Variants in HECW1 observed in about 807,000 individuals in gnomAD.
HECW1 encodes the protein HECT, C2 and WW domain containing E3 ubiquitin protein ligase 1.
HECW1 carries 61 observed loss-of-function variants against 182.3 expected under a neutral mutation model. The ratio of observed to expected loss-of-function variants is 0.33; its 90% CI spans 0.27 to 0.41. HECW1 has a LOEUF of 0.41. Among genes scored for constraint, HECW1 ranks in the 10% least tolerant of loss-of-function variants. The pLI, the probability that HECW1 is intolerant of heterozygous loss-of-function variation, is 1.00. For missense variants in HECW1, 1,739 were observed against 2,108.9 expected (o/e 0.82, Z 3.44); for synonymous variants, 859 against 832.6 (o/e 1.03, Z -0.55).
intron 24 of HECW1, among the ~76,000 whole-genome samples, chr7:43,520,600 T>C (rs1221548829): frequency 6.7e-6 from 1 of 149,180 alleles, no homozygotes; most frequent in Non-Finnish European, 1.5e-5. Context: ...AAGACAAATA[T>C]GTTCATCTTC....
At chr7:43,498,975 AT>A (rs917489831) in intron 19 of HECW1, among the ~76,000 whole-genome samples, 22 of 150,950 alleles carry the variant, frequency 1.5e-4, no homozygotes, top group East Asian at 3.9e-4. Flanking sequence ...TGGAAAATAG[AT>A]TTTTTTTTTC....
intron 6 of HECW1, among the ~76,000 whole-genome samples, chr7:43,393,125 T>C (rs2152835708): frequency 6.6e-6 from 1 of 152,338 alleles, no homozygotes; most frequent in South Asian, 2.1e-4. Flanking sequence ...TATGCTCTGT[T>C]GTGGAAACAT....
chr7:43,499,296 A>T (rs117672588), intron 19 of HECW1, among the ~76,000 whole-genome samples: 1 of 152,058 alleles, frequency 6.6e-6, no homozygotes, highest in African/African-American at 2.4e-5. Context: ...AAAATAAAAA[A>T]TTTTTTAAAG....
At chr7:43,159,390 G>C (rs61489511) in intron 2 of HECW1, among the ~76,000 whole-genome samples, 100 of 143,264 alleles carry the variant, frequency 7.0e-4, no homozygotes, top group Middle Eastern at 3.6e-3. Context: ...GTGTCCAAGT[G>C]ATCTCATTGG....
intron 5 of HECW1, among the ~76,000 whole-genome samples, chr7:43,322,360 A>G (rs1810238333): frequency 2.0e-5 from 3 of 152,210 alleles, no homozygotes; most frequent in Admixed American, 2.0e-4. Flanking sequence ...GCACCTGGCC[A>G]GAATTTCTTT....
chr7:43,266,648 A>T (rs1801836673), intron 3 of HECW1, among the ~76,000 whole-genome samples: 1 of 152,128 alleles, frequency 6.6e-6, no homozygotes, highest in Non-Finnish European at 1.5e-5. Context: ...GAAATGTTTT[A>T]AGAACTTCTA....
intron 26 of HECW1, among the ~76,000 whole-genome samples, chr7:43,548,077 T>C (rs1420453318): frequency 9.2e-5 from 14 of 152,266 alleles, no homozygotes; most frequent in Admixed American, 9.2e-4. Context: ...TTGATGTTTG[T>C]ATTTGTCTCA....
chr7:43,502,538 T>C (rs2079407915), intron 21 of HECW1, among the ~76,000 whole-genome samples: 1 of 152,070 alleles, frequency 6.6e-6, no homozygotes, highest in African/African-American at 2.4e-5. Context: ...GGTGCACGCC[T>C]TTAGTATCAG....
Position 43,456,359 on chromosome 7 carries a change from A to G in HECW1, c.2563A>G (p.Thr855Ala). Residue 855 changes from threonine to alanine, a missense_variant, in exon 13 of 30, where the codon ACC (threonine) becomes GCC (alanine). This residue lies in a region of HECW1 where 971 missense variants were observed against 1,029.1 expected (regional missense o/e 0.94). Transcript: ENST00000395891. ...TTATGTGGACCACGTGAACCGCACA[A>G]CCACCTGGCAGCGTCCGACGGCAGC... ...VFYVDHVNRT[T>A]TWQRPTAAAT... The G allele has an allele frequency of 6.2e-7, 1 of 1,614,010 alleles. No individual in the cohort carries two copies. Among genetic ancestry groups the G allele is most frequent in the South Asian group, 1.1e-5 (1 of 91,034 alleles).
intron 5 of HECW1, 36 bp downstream of exon 5, chr7:43,320,778 A>G (rs1810008442): frequency 3.4e-6 from 5 of 1,450,952 alleles, no homozygotes; most frequent in East Asian, 4.5e-5. Context: ...CTTGGCAGAC[A>G]TGGATGAAGC....
intron 3 of HECW1, among the ~76,000 whole-genome samples, chr7:43,246,421 G>A (rs1176514801): frequency 6.6e-6 from 1 of 152,200 alleles, no homozygotes. Context: ...ATACAAGGAA[G>A]AATTTTATGC....
intron 28 of HECW1, among the ~76,000 whole-genome samples, chr7:43,553,476 G>A (rs1485886776): frequency 3.3e-5 from 5 of 151,944 alleles, no homozygotes; most frequent in Non-Finnish European, 2.9e-5. Flanking sequence ...TCATAAGTTC[G>A]AGACCAGCCT....
chr7:43,444,352 G>A lies in HECW1; in HGVS notation c.1180G>A (p.Glu394Lys). 1 of 1,614,166 alleles carries A rather than the reference G, an allele frequency of 6.2e-7. No homozygotes were observed. The highest frequency in any genetic ancestry group is 8.5e-7 in the Non-Finnish European group (1 of 1,180,028). Residue 394 changes from glutamate to lysine, a missense_variant, in exon 11 of 30, where the codon GAG becomes AAG. By Grantham distance (56) the Glu-to-Lys change is moderately conservative. This residue lies in a region of HECW1 where 971 missense variants were observed against 1,029.1 expected (regional missense o/e 0.94). Coordinates refer to ENST00000395891, the MANE Select transcript of HECW1 (RefSeq NM_015052.5). The surrounding 1 kb of genome is among the most constrained non-coding windows in gnomAD (Gnocchi z 4.3). ...APESSESWKP[E>K]QLGEGSVPDG... ...AGAGTCCTCTGAGAGCTGGAAGCCAGAGCAGCTGGGTGAGGGCAGTGTCCC... is the reference window on the plus strand; with the variant it reads ...AGAGTCCTCTGAGAGCTGGAAGCCAAAGCAGCTGGGTGAGGGCAGTGTCCC...
At chr7:43,278,111 C>A (rs1803404465) in intron 3 of HECW1, among the ~76,000 whole-genome samples, 1 of 152,118 alleles carries the variant, frequency 6.6e-6, no homozygotes, top group Non-Finnish European at 1.5e-5. Flanking sequence ...CCATTTCAGA[C>A]CCTGCCCCTG....
chr7:43,335,753 CTT>C (rs1246922088), intron 5 of HECW1, among the ~76,000 whole-genome samples: 1 of 136,418 alleles, frequency 7.3e-6, no homozygotes. Context: ...CCTTTCCTCT[CTT>C]TCTTTCTTTC....
intron 2 of HECW1, among the ~76,000 whole-genome samples, chr7:43,186,193 C>A (rs1343174219): frequency 6.6e-6 from 1 of 152,220 alleles, no homozygotes; most frequent in Non-Finnish European, 1.5e-5. Flanking sequence ...TCATTTCTAA[C>A]CCCTACATGA....
At chr7:43,301,339 G>A (rs1806753289) in intron 3 of HECW1, among the ~76,000 whole-genome samples, 1 of 152,102 alleles carries the variant, frequency 6.6e-6, no homozygotes, top group South Asian at 2.1e-4. Context: ...CAGCTTCCAT[G>A]TCCTCCCATC....
intron 19 of HECW1, among the ~76,000 whole-genome samples, chr7:43,494,667 C>G (rs1277530308): frequency 1.3e-5 from 2 of 152,070 alleles, no homozygotes; most frequent in Admixed American, 1.3e-4. Flanking sequence ...CCACACCCAG[C>G]AAAATTTTGC....
At chr7:43,429,289 C>CATATAT (rs57627873) in intron 8 of HECW1, among the ~76,000 whole-genome samples, 24 of 106,690 alleles carry the variant, frequency 2.2e-4, no homozygotes, top group South Asian at 6.7e-4. Flanking sequence ...ATATTATATG[C>CATATAT]ATATATATAT....
Sources: allele counts gnomAD v4.1 joint callset (sites outside exome capture counted in the v4.1 genomes callset), GRCh38; gene constraint gnomAD v4.1.1; regional missense constraint gnomAD v4.1.1; non-coding constraint Gnocchi (gnomAD v3.1); transcripts MANE v1.5; gene names NCBI Gene and HGNC (gene_info 2026-07-23, HGNC 2026-07-21).